Variants in CALB2 observed in about 807,000 individuals in gnomAD.
CALB2 encodes calbindin 2, also known as calretinin.
In CALB2, 34 loss-of-function variants were observed where a neutral mutation model predicts 45.9. That is an observed-to-expected ratio of 0.74 (90% CI 0.56 to 0.99). The LOEUF is 0.99. CALB2 is among the 50% of genes least tolerant of loss of function. The probability of loss-of-function intolerance (pLI) is 0.00; values close to 1 mark genes in which losing one functional copy is unlikely to be tolerated. For synonymous variants in CALB2, 142 were observed against 129.6 expected (o/e 1.10, Z -0.65); for missense variants, 344 against 339.3 (o/e 1.01, Z -0.11).
intron 1 of CALB2, among the ~76,000 whole-genome samples, chr16:71,362,787 T>A (rs1480549149): frequency 1.3e-5 from 2 of 152,146 alleles, no homozygotes; most frequent in Admixed American, 1.3e-4. Flanking sequence ...ATGAGCCAAA[T>A]GAAAGGGGAT....
intron 10 of CALB2, chr16:71,389,384 T>C (rs889187942): frequency 1.8e-5 from 8 of 447,208 alleles, no homozygotes; most frequent in South Asian, 1.1e-4. Flanking sequence ...AGATCATGAC[T>C]GTCACAATAG....
At chr16:71,369,026 G>A (rs1216323054) in intron 1 of CALB2, among the ~76,000 whole-genome samples, 7 of 152,084 alleles carry the variant, frequency 4.6e-5, no homozygotes, top group Admixed American at 1.3e-4. Flanking sequence ...GGTTCAGAGC[G>A]TTCAGTGGGG....
chr16:71,364,766 G>T (rs886204358), intron 1 of CALB2, among the ~76,000 whole-genome samples: 7 of 152,232 alleles, frequency 4.6e-5, no homozygotes, highest in Non-Finnish European at 1.0e-4. Context: ...CATTCAGCTG[G>T]TGGCTGGTAG....
intron 1 of CALB2, among the ~76,000 whole-genome samples, chr16:71,369,864 C>G (rs1438973917): frequency 2.0e-5 from 3 of 152,174 alleles, no homozygotes; most frequent in Admixed American, 6.5e-5. Context: ...AGGGAGTAAC[C>G]AGGAAGAGAA....
intron 1 of CALB2, among the ~76,000 whole-genome samples, chr16:71,365,231 G>GCTTAACGAGGAAATTC (rs780324602): frequency 1.1e-4 from 17 of 152,200 alleles, no homozygotes; most frequent in Non-Finnish European, 2.4e-4. Flanking sequence ...TTCTGGTGCA[G>GCTTAACGAGGAAATTC]CTTAACGAGG....
intron 1 of CALB2, among the ~76,000 whole-genome samples, chr16:71,366,344 T>TTTTG (rs2042288337): frequency 5.2e-5 from 2 of 38,816 alleles, no homozygotes; most frequent in African/African-American, 1.3e-4. Flanking sequence ...TTTTTTTTTT[T>TTTTG]GAGAGAGAGA....
intron 2 of CALB2, among the ~76,000 whole-genome samples, chr16:71,373,852 A>T (rs532804993): frequency 2.0e-5 from 3 of 152,368 alleles, no homozygotes; most frequent in African/African-American, 7.2e-5. Context: ...ATACTGATAA[A>T]CAAATAAATA....
intron 3 of CALB2, among the ~76,000 whole-genome samples, chr16:71,376,023 T>C (rs1305322137): frequency 6.6e-6 from 1 of 152,198 alleles, no homozygotes; most frequent in Non-Finnish European, 1.5e-5. Flanking sequence ...AGCCTAGTTA[T>C]AGAGGAGCAG....
chr16:71,389,631 T>C, intron 10 of CALB2, 118 bp from the exon 11 acceptor site: 3 of 795,180 alleles, frequency 3.8e-6, no homozygotes, highest in Non-Finnish European at 6.7e-6. Flanking sequence ...CTAAGCCACT[T>C]ATCCTGGGAT....
chr16:71,359,378 G>T (rs1340509264), intron 1 of CALB2, among the ~76,000 whole-genome samples: 1 of 152,208 alleles, frequency 6.6e-6, no homozygotes, highest in African/African-American at 2.4e-5. Flanking sequence ...CTGGGAGCAG[G>T]AGTGGAAAAT....
chr16:71,372,036 A>T, intron 1 of CALB2, 117 bp from the exon 2 acceptor site: 1 of 762,358 alleles, frequency 1.3e-6, no homozygotes, highest in Non-Finnish European at 2.3e-6. Context: ...ACTGGCCTAG[A>T]CACCTGCCTG....
chr16:71,383,338 G>A (rs2042522359), intron 5 of CALB2, 29 bp from the exon 6 acceptor site: 1 of 1,600,406 alleles, frequency 6.2e-7, no homozygotes, highest in African/African-American at 1.3e-5. Flanking sequence ...CACGAGTCAG[G>A]AGTACTAAAG....
intron 1 of CALB2, among the ~76,000 whole-genome samples, chr16:71,365,299 T>G (rs1212668852): frequency 6.6e-6 from 1 of 152,204 alleles, no homozygotes; most frequent in African/African-American, 2.4e-5. Context: ...GAACCTTCCC[T>G]CCTTTGACCT....
chr16:71,384,447 C>A (rs2042540009), intron 8 of CALB2, 69 bp downstream of exon 8: 1 of 1,290,664 alleles, frequency 7.7e-7, no homozygotes, highest in South Asian at 1.2e-5. Flanking sequence ...CCCTCCTTCC[C>A]CCAACGCACC....
Position 71,358,893 on chromosome 16 carries a change from A to G in CALB2, c.94+7A>G. The G allele has an allele frequency of 6.2e-7, 1 of 1,611,772 alleles. No homozygotes were observed. Among genetic ancestry groups the G allele is most frequent in the Non-Finnish European group, 8.5e-7 (1 of 1,178,978 alleles). ...AAGCACTTTGACGCAGACGGTCAGTAAAGCTCCCAACTTCTGTGCCCATTG... is the reference window on the plus strand; with the variant it reads ...AAGCACTTTGACGCAGACGGTCAGTGAAGCTCCCAACTTCTGTGCCCATTG... On this transcript the variant is annotated splice_region_variant and intron_variant, in intron 1 of 10. Transcript: ENST00000302628.
At chr16:71,358,935 C>T (rs780095422) in intron 1 of CALB2, 49 bp downstream of exon 1, 34 of 1,524,776 alleles carry the variant, frequency 2.2e-5, no homozygotes, top group Non-Finnish European at 2.8e-5. Context: ...AGGGGACCTG[C>T]GGTGAAGGGG....
chr16:71,382,724 G>T lies in CALB2; in HGVS notation c.348G>T (p.Trp116Cys), dbSNP rs1738266783. 6.2e-7 allele frequency: 1 copy of T among 1,611,752 alleles called. No individual in the cohort carries two copies. The highest frequency in any genetic ancestry group is 8.5e-7 in the Non-Finnish European group (1 of 1,179,068). ...VGSSAEFMEA[W>C]RKYDTDRSGY... Reference sequence around the variant, plus strand: ...TGACATTCCTGTTGTTGCAGGCTTGGCGGAAGTACGACACAGACAGGAGTG... The same window carrying T: ...TGACATTCCTGTTGTTGCAGGCTTGTCGGAAGTACGACACAGACAGGAGTG... Residue 116 changes from tryptophan to cysteine, a missense_variant, in exon 5 of 11, where the codon TGG (tryptophan) becomes TGT (cysteine). By Grantham distance (215) the Trp-to-Cys change is radical. This residue lies in a region of CALB2 where 263 missense variants were observed against 241.7 expected (regional missense o/e 1.09). Transcript: ENST00000302628.
chr16:71,372,199 G>A lies in CALB2; in HGVS notation c.141G>A (p.Glu47=), dbSNP rs2042359407. 13 of 1,613,152 alleles carry A rather than the reference G, an allele frequency of 8.1e-6. No homozygotes were observed. The highest frequency in any genetic ancestry group is 1.7e-4 in the Middle Eastern group (1 of 6,060). The change falls in exon 2 of 11, where the codon GAG becomes GAA. Residue 47 remains glutamate (E), a synonymous_variant. Transcript: ENST00000302628. The part of the protein sequence containing the change: ...EGKELENFFQ[E]LEKARKGSGM... ...AAGAGCTAGAAAACTTTTTCCAAGAGCTGGAGAAGGCAAGGAAAGGCTCTG... is the reference window on the plus strand; with the variant it reads ...AAGAGCTAGAAAACTTTTTCCAAGAACTGGAGAAGGCAAGGAAAGGCTCTG...
chr16:71,363,138 T>C (rs2042250663), intron 1 of CALB2, among the ~76,000 whole-genome samples: 1 of 152,046 alleles, frequency 6.6e-6, no homozygotes, highest in South Asian at 2.1e-4. Flanking sequence ...TGAGCTATGA[T>C]TGCACCACTG....
Sources: gnomAD v4.1 joint callset for allele counts (sites outside exome capture counted in the v4.1 genomes callset) on GRCh38, gnomAD v4.1.1 for gene constraint, gnomAD v4.1.1 regional missense constraint, MANE v1.5 for transcripts, NCBI Gene and HGNC (gene_info 2026-07-23, HGNC 2026-07-21) for gene names.